XKR4: variants seen among roughly 807,000 people sequenced by gnomAD.
XKR4 encodes the protein XK-related protein 4.
A neutral mutation model predicts 53.9 loss-of-function variants in XKR4; 12 were observed. That is an observed-to-expected ratio of 0.22 (90% confidence interval 0.14 to 0.36). XKR4 has a LOEUF of 0.36. Among genes scored for constraint, XKR4 ranks in the 10% least tolerant of loss-of-function variants. XKR4 has a pLI of 1.00. For missense variants in XKR4, 799 were observed against 859.5 expected, an observed-to-expected ratio of 0.93 and a Z score of 0.88; for synonymous variants, 354 against 362.4, an observed-to-expected ratio of 0.98 and a Z score of 0.26.
chr8:55,306,367 T>C lies in XKR4; in HGVS notation c.807-51311T>C, dbSNP rs74333383. 2.2e-4 allele frequency among the ~76,000 whole-genome samples: 34 copies of C among 152,248 alleles called. No individual in the cohort carries two copies. The East Asian group carries it at 4.3e-3, about 19-fold the overall frequency. ...CTAAGAAAAGCAGCTCCTAAAACAG[T>C]ACAAAAAGGGTCCATATGGAATCAT... On this transcript the variant is annotated intron_variant, in intron 1 of 2. Coordinates refer to ENST00000327381, the MANE Select transcript of XKR4 (RefSeq NM_052898.2).
chr8:55,458,580 A>G (rs1563356293), intron 2 of XKR4, among the ~76,000 whole-genome samples: 2 of 152,360 alleles, frequency 1.3e-5, no homozygotes, highest in East Asian at 3.9e-4. Flanking sequence ...GAAGGATGGT[A>G]AATGCAGAAG....
chr8:55,284,610 G>A lies in XKR4; in HGVS notation c.807-73068G>A, dbSNP rs201793610. 3.3e-5 allele frequency among the ~76,000 whole-genome samples: 5 copies of A among 152,156 alleles called. No individual in the cohort carries two copies. The East Asian group carries it at 9.6e-4, about 29-fold the overall frequency. On this transcript the variant is annotated intron_variant, in intron 1 of 2. Transcript: ENST00000327381. Reference sequence around the variant, plus strand: ...TGGCAGCTGGCTTTCTCCAGAACAGGTGATTGAGAGAGAGAGAGCCCAATA... The same window carrying A: ...TGGCAGCTGGCTTTCTCCAGAACAGATGATTGAGAGAGAGAGAGCCCAATA...
At chr8:55,233,499 C>CA (rs904844895) in intron 1 of XKR4, among the ~76,000 whole-genome samples, 159 of 152,172 alleles carry the variant, frequency 1.0e-3, no homozygotes, top group African/African-American at 3.7e-3. Context: ...CTCATGCCTG[C>CA]ACAGGCTTGC....
At chr8:55,397,744 G>A (rs533232513) in intron 2 of XKR4, among the ~76,000 whole-genome samples, 3 of 152,174 alleles carry the variant, frequency 2.0e-5, no homozygotes, top group African/African-American at 7.2e-5. Context: ...TTTCAGCTAA[G>A]CCCTTCATCA....
chr8:55,435,174 A>G (rs947409494), intron 2 of XKR4, among the ~76,000 whole-genome samples: 10 of 152,190 alleles, frequency 6.6e-5, no homozygotes, highest in Non-Finnish European at 1.3e-4. Flanking sequence ...CCAAAGCTGC[A>G]TGCATTTTGT....
At chr8:55,387,872 T>C (rs1804347452) in intron 2 of XKR4, among the ~76,000 whole-genome samples, 1 of 152,208 alleles carries the variant, frequency 6.6e-6, no homozygotes, top group African/African-American at 2.4e-5. Flanking sequence ...CCACTCAGAA[T>C]GGAACTTCTG....
At chr8:55,496,062 T>A (rs1806343582) in intron 2 of XKR4, among the ~76,000 whole-genome samples, 1 of 152,242 alleles carries the variant, frequency 6.6e-6, no homozygotes, top group African/African-American at 2.4e-5. Context: ...AAAGCTCACC[T>A]GCTGGCTGTT....
intron 2 of XKR4, chr8:55,451,729 C>A (rs1209453340): frequency 1.6e-6 from 2 of 1,240,454 alleles, no homozygotes; most frequent in Non-Finnish European, 1.2e-6. Context: ...CAGAGAAATG[C>A]GGAAGGATTC....
At position 55,529,948 on chromosome 8, in the gene XKR4, A is replaced by G. The variant is rs1253186581; in HGVS notation, c.*5721A>G. On this transcript the variant is annotated 3_prime_UTR_variant, in exon 3 of 3. Transcript: ENST00000327381. Reference sequence around the variant, plus strand: ...CATTCCAGGCAACTGTCCCCCTCCTATGGCTCCACTATGTATTCAATTAAG... The same window carrying G: ...CATTCCAGGCAACTGTCCCCCTCCTGTGGCTCCACTATGTATTCAATTAAG... 2.0e-5 allele frequency: 3 copies of G among 152,150 alleles called. No homozygotes were observed. Among genetic ancestry groups the G allele is most frequent in the Non-Finnish European group, 4.4e-5 (3 of 68,040 alleles). The allele number at this position is 152,150 out of a possible 1,614,324, so 9.4% of individuals were successfully genotyped here.
chr8:55,492,912 C>T (rs1253794158), intron 2 of XKR4, among the ~76,000 whole-genome samples: 1 of 152,198 alleles, frequency 6.6e-6, no homozygotes, highest in Admixed American at 6.5e-5. Flanking sequence ...CACCAGGGGC[C>T]TTGTGAATCT....
intron 1 of XKR4, among the ~76,000 whole-genome samples, chr8:55,247,535 A>G (rs1318993776): frequency 6.6e-6 from 1 of 152,202 alleles, no homozygotes; most frequent in African/African-American, 2.4e-5. Context: ...TTGAGCCCAT[A>G]TGACCAACAG....
chr8:55,306,536 A>G (rs1338535621), intron 1 of XKR4, among the ~76,000 whole-genome samples: 3 of 152,236 alleles, frequency 2.0e-5, no homozygotes, highest in African/African-American at 7.2e-5. Flanking sequence ...AGGAGGAACA[A>G]GTCACATCAC....
intron 2 of XKR4, among the ~76,000 whole-genome samples, chr8:55,504,071 A>C (rs904525104): frequency 6.6e-6 from 1 of 152,156 alleles, no homozygotes; most frequent in Non-Finnish European, 1.5e-5. Flanking sequence ...TGGTCATGGT[A>C]CAAAATCCGT....
In XKR4 at chr8:55,440,611, G is replaced by A. The variant is rs539694755; in HGVS notation, c.1007-82670G>A. Among the ~76,000 whole-genome samples, 960 of 151,728 alleles carry A rather than the reference G, an allele frequency of 6.3e-3. 6 individuals carry two copies. Among genetic ancestry groups the A allele is most frequent in the African/African-American group, 0.021 (870 of 41,304 alleles). On this transcript the variant is annotated intron_variant, in intron 2 of 2. Coordinates refer to ENST00000327381, the MANE Select transcript of XKR4 (RefSeq NM_052898.2). Reference sequence around the variant, plus strand: ...TTCCAAACTAGCAGCAAAAAAAAATGGAATGAGGGATACATTAATCAATCA... The same window carrying A: ...TTCCAAACTAGCAGCAAAAAAAAATAGAATGAGGGATACATTAATCAATCA...
chr8:55,279,405 C>T (rs1818806236), intron 1 of XKR4, among the ~76,000 whole-genome samples: 1 of 152,184 alleles, frequency 6.6e-6, no homozygotes, highest in South Asian at 2.1e-4. Context: ...TCAGTGGCTC[C>T]ACTCTCGGCT....
At chr8:55,195,805 C>T (rs1163549890) in intron 1 of XKR4, among the ~76,000 whole-genome samples, 1 of 152,150 alleles carries the variant, frequency 6.6e-6, no homozygotes, top group Non-Finnish European at 1.5e-5. Context: ...ATGTTAGCCG[C>T]CATGGTTTCT....
chr8:55,471,593 C>A (rs1445791081), intron 2 of XKR4, among the ~76,000 whole-genome samples: 2 of 152,072 alleles, frequency 1.3e-5, no homozygotes, highest in South Asian at 4.2e-4. Flanking sequence ...AATTTGGAGG[C>A]CAGATGCAAA....
intron 1 of XKR4, among the ~76,000 whole-genome samples, chr8:55,200,809 T>C (rs1047756826): frequency 5.3e-5 from 8 of 152,204 alleles, no homozygotes; most frequent in African/African-American, 1.7e-4. Flanking sequence ...GCAGAAACAG[T>C]AATGTTTTAA....
At chr8:55,518,520 G>A (rs535432830) in intron 2 of XKR4, among the ~76,000 whole-genome samples, 2 of 152,228 alleles carry the variant, frequency 1.3e-5, no homozygotes, top group African/African-American at 2.4e-5. Context: ...AATTAAACAA[G>A]CACAAAATGA....
Sources: gnomAD v4.1 joint callset for allele counts (sites outside exome capture counted in the v4.1 genomes callset) on GRCh38, gnomAD v4.1.1 for gene constraint, MANE v1.5 for transcripts, NCBI Gene and HGNC (gene_info 2026-07-23, HGNC 2026-07-21) for gene names.